Variants in SMCHD1 observed in about 807,000 individuals in gnomAD.
SMCHD1 encodes the protein structural maintenance of chromosomes flexible hinge domain-containing protein 1.
Under a neutral mutation model 254.7 loss-of-function variants are expected in SMCHD1, and 78 were observed. That is an observed-to-expected ratio of 0.31 (90% confidence interval 0.26 to 0.37). SMCHD1 has a LOEUF of 0.37. Among genes scored for constraint, SMCHD1 ranks in the 10% least tolerant of loss-of-function variants. The pLI, the probability that SMCHD1 is intolerant of heterozygous loss-of-function variation, is 1.00. For synonymous variants in SMCHD1, 766 were observed against 794.9 expected (o/e 0.96, Z 0.61); for missense variants, 1,840 against 2,408.1 (o/e 0.76, Z 4.94).
intron 1 of SMCHD1, among the ~76,000 whole-genome samples, chr18:2,658,236 C>G (rs1024975574): frequency 1.3e-5 from 2 of 152,110 alleles, no homozygotes; most frequent in African/African-American, 2.4e-5. Flanking sequence ...TGCTACTTTA[C>G]CCTTCCTCTA....
At chr18:2,667,108 C>G in intron 3 of SMCHD1, 77 bp downstream of exon 3, 1 of 1,068,202 alleles carries the variant, frequency 9.4e-7, no homozygotes, top group Non-Finnish European at 1.3e-6. Context: ...CATTCCTTCA[C>G]TTTTTGTAAA....
At chr18:2,770,219 G>A (rs2075953355) in intron 39 of SMCHD1, 111 bp downstream of exon 39, 7 of 1,089,788 alleles carry the variant, frequency 6.4e-6, no homozygotes, top group Admixed American at 3.3e-5. Flanking sequence ...GTAAAATACA[G>A]AATGTTTCAG....
chr18:2,752,363 GTA>G (rs2075591447), intron 33 of SMCHD1, 123 bp from the exon 34 acceptor site: 2 of 685,186 alleles, frequency 2.9e-6, no homozygotes, highest in African/African-American at 3.6e-5. Flanking sequence ...ATATATACCT[GTA>G]TGTTTATAAA....
intron 2 of SMCHD1, 47 bp from the exon 3 acceptor site, chr18:2,666,823 G>A (rs549464371): frequency 2.7e-6 from 4 of 1,468,448 alleles, no homozygotes; most frequent in South Asian, 1.3e-5. Flanking sequence ...AGTTCATTGA[G>A]TTTCTGATGC....
intron 5 of SMCHD1, among the ~76,000 whole-genome samples, chr18:2,684,319 AT>A (rs2073992250): frequency 6.6e-6 from 1 of 152,222 alleles, no homozygotes; most frequent in Non-Finnish European, 1.5e-5. Flanking sequence ...ATTAAATGTA[AT>A]AATACAAAGA....
chr18:2,735,144 A>T (rs997090124), intron 25 of SMCHD1, among the ~76,000 whole-genome samples: 3 of 152,142 alleles, frequency 2.0e-5, no homozygotes, highest in African/African-American at 7.2e-5. Flanking sequence ...CCCTGAATAT[A>T]CGCAAATAAA....
At chr18:2,760,376 G>A (rs571934429) in intron 34 of SMCHD1, 9 of 225,884 alleles carry the variant, frequency 4.0e-5, no homozygotes, top group African/African-American at 9.0e-5. Flanking sequence ...CATTTTTTAC[G>A]TATTTACTGC....
chr18:2,675,373 T>A (rs2073720418), intron 5 of SMCHD1, among the ~76,000 whole-genome samples: 1 of 151,542 alleles, frequency 6.6e-6, no homozygotes, highest in Admixed American at 6.6e-5. Flanking sequence ...CAAACGATTC[T>A]TCTGCCTCAG....
intron 5 of SMCHD1, among the ~76,000 whole-genome samples, chr18:2,687,888 A>G (rs940893533): frequency 2.0e-5 from 3 of 152,138 alleles, no homozygotes; most frequent in African/African-American, 7.2e-5. Context: ...ATGGGGGATG[A>G]TGTCCCCGGA....
At position 2,718,813 on chromosome 18, in the gene SMCHD1, A is replaced by T. The variant is rs2074859178; in HGVS notation, c.2458+379A>T. ...GATGATCTACCTGCCTCAGCCTCCC[A>T]AAGTGCTGGGATTACAGATGTGAGC... On this transcript the variant is annotated intron_variant, in intron 19 of 47. Coordinates refer to ENST00000320876, the MANE Select transcript of SMCHD1 (RefSeq NM_015295.3). This position sits in a 1 kb window ranked among gnomAD's most constrained non-coding sequence, Gnocchi z 4.6. 6.6e-6 allele frequency among the ~76,000 whole-genome samples: 1 copy of T among 152,138 alleles called. No individual in the cohort carries two copies. Among genetic ancestry groups the T allele is most frequent in the African/African-American group, 2.4e-5 (1 of 41,430 alleles).
chr18:2,793,619 C>G (rs181297670), intron 45 of SMCHD1, among the ~76,000 whole-genome samples: 1 of 138,920 alleles, frequency 7.2e-6, no homozygotes, highest in Non-Finnish European at 1.5e-5. Flanking sequence ...GAGCCAAGAT[C>G]GCGCCACTGC....
chr18:2,697,817 C>T lies in SMCHD1; in HGVS notation c.1132-14C>T, dbSNP rs184510956. The stretch of plus-strand genomic sequence containing the variant: ...CCATAGAATTTAATTATTTTTGTTT[C>T]CTTTTTATTTTAGATTTCTATGTTT... On this transcript the variant is annotated splice_polypyrimidine_tract_variant and intron_variant, in intron 9 of 47. Transcript: ENST00000320876. 1,577 of 1,541,700 alleles carry T rather than the reference C, an allele frequency of 1.0e-3. 2 individuals carry two copies. The highest frequency in any genetic ancestry group is 1.3e-3 in the Non-Finnish European group (1,492 of 1,118,560).
At chr18:2,721,102 T>C (rs189931123) in intron 19 of SMCHD1, among the ~76,000 whole-genome samples, 4 of 152,368 alleles carry the variant, frequency 2.6e-5, no homozygotes, top group African/African-American at 7.2e-5. Context: ...TATTTCAATT[T>C]CACTACAACT....
At chr18:2,708,853 A>G (rs1374303627) in intron 17 of SMCHD1, among the ~76,000 whole-genome samples, 4 of 81,338 alleles carry the variant, frequency 4.9e-5, no homozygotes, top group African/African-American at 1.5e-4. Flanking sequence ...CCCTGCTTCT[A>G]TTTTCAATAA....
At chr18:2,736,586 G>A (rs1334059835) in intron 25 of SMCHD1, among the ~76,000 whole-genome samples, 2 of 146,850 alleles carry the variant, frequency 1.4e-5, no homozygotes, top group African/African-American at 2.5e-5. Flanking sequence ...ATGGGCAAAG[G>A]ATATGAATAG....
rs2075160136 is a variant in SMCHD1 at position 2,732,452 on chromosome 18, G to A, written c.3236G>A (p.Arg1079Lys). ...TTTCAAATGTATGATGAAGGAGAAA[G>A]AGAAATCAATATAACATCAGCTTTA... ...LIFQMYDEGE[R>K]EINITSALAE... The change falls in exon 25 of 48, where the codon AGA becomes AAA. Residue 1079 changes from arginine (R) to lysine (K), a missense_variant. Transcript: ENST00000320876. The A allele has an allele frequency of 6.2e-7, 1 of 1,610,308 alleles. No homozygotes were observed.
intron 8 of SMCHD1, 82 bp from the exon 9 acceptor site, chr18:2,696,950 T>C (rs2074298598): frequency 3.1e-6 from 2 of 646,676 alleles, no homozygotes; most frequent in East Asian, 3.2e-5. Flanking sequence ...TAGTAAATAG[T>C]GTTAAAATAT....
At chr18:2,773,916 C>G (rs1275922838) in intron 41 of SMCHD1, among the ~76,000 whole-genome samples, 1 of 152,070 alleles carries the variant, frequency 6.6e-6, no homozygotes, top group Non-Finnish European at 1.5e-5. Context: ...GAGCGAGACT[C>G]TGTCTCAAAA....
chr18:2,672,259 C>T (rs140389080), intron 3 of SMCHD1, among the ~76,000 whole-genome samples: 1,645 of 152,222 alleles, frequency 0.011, 15 homozygotes, highest in Non-Finnish European at 0.015. Flanking sequence ...TAGAGTCTCG[C>T]TCTGTTGCCC....
Sources: gnomAD v4.1 joint callset for allele counts (sites outside exome capture counted in the v4.1 genomes callset) on GRCh38, gnomAD v4.1.1 for gene constraint, Gnocchi (gnomAD v3.1) non-coding constraint, MANE v1.5 for transcripts, NCBI Gene and HGNC (gene_info 2026-07-23, HGNC 2026-07-21) for gene names.